The following BMP6 variants were observed in gnomAD, a reference collection of about 807,000 sequenced individuals.
BMP6 encodes the protein bone morphogenetic protein 6, also known as VG-1-R.
BMP6 carries 17 observed loss-of-function variants against 54.1 expected under a neutral mutation model. The observed-to-expected ratio is 0.31, with a 90% CI of 0.22 to 0.47. The LOEUF is 0.47. Ranked by LOEUF, BMP6 falls within the 20% of genes least tolerant of loss-of-function variation. The pLI, the probability that BMP6 is intolerant of heterozygous loss-of-function variation, is 1.00. For missense variants in BMP6, 720 were observed against 690.4 expected (o/e 1.04, Z -0.48); for synonymous variants, 328 against 291.2 (o/e 1.13, Z -1.28).
Position 7,727,022 on chromosome 6 carries a change from G to C in BMP6, c.67G>C (p.Gly23Arg). ...WWWGLLCSCCGPPPLRPPLPA... is the reference protein window; with the variant it reads ...WWWGLLCSCCRPPPLRPPLPA... ...GTGGGGGCTGCTGTGCAGCTGCTGC[G>C]GGCCCCCGCCGCTGCGGCCGCCCTT... Residue 23 changes from glycine (G) to arginine (R), a missense_variant, in exon 1 of 7, where the codon GGG (glycine) becomes CGG (arginine). Physicochemically the swap from Gly to Arg is moderately radical, Grantham distance 125 (BLOSUM62 -2). Around this residue, in one of 3 missense-constraint regions of BMP6, gnomAD observed 650 missense variants for 556.3 expected, o/e 1.17. Transcript: ENST00000283147. 2 of 1,120,912 alleles carry C rather than the reference G, an allele frequency of 1.8e-6. No individual in the cohort carries two copies. Among genetic ancestry groups the C allele is most frequent in the Non-Finnish European group, 2.2e-6 (2 of 918,510 alleles). The allele number at this position is 1,120,912 out of a possible 1,614,324, so 69.4% of individuals were successfully genotyped here.
chr6:7,745,475 G>T (rs946151320), intron 1 of BMP6, among the ~76,000 whole-genome samples: 2 of 152,108 alleles, frequency 1.3e-5, no homozygotes, highest in African/African-American at 4.8e-5. Flanking sequence ...TCACTATGTT[G>T]CCCAGGCTGG....
chr6:7,731,495 C>A (rs1163950161), intron 1 of BMP6, among the ~76,000 whole-genome samples: 1 of 152,166 alleles, frequency 6.6e-6, no homozygotes, highest in Non-Finnish European at 1.5e-5. Context: ...TTGTTTGTCT[C>A]CCCTGTAGGA....
At chr6:7,843,765 T>TA (rs1399989783) in intron 1 of BMP6, among the ~76,000 whole-genome samples, 1 of 152,222 alleles carries the variant, frequency 6.6e-6, no homozygotes, top group Non-Finnish European at 1.5e-5. Flanking sequence ...TGAAGTTTGA[T>TA]ATCACTTTTC....
intron 1 of BMP6, among the ~76,000 whole-genome samples, chr6:7,834,185 CTT>C (rs34020369): frequency 0.048 from 5,191 of 107,678 alleles, 120 homozygotes; most frequent in Middle Eastern, 0.089. Context: ...AGAACAAATG[CTT>C]TTTTTTTTTT....
At chr6:7,871,385 A>G (rs575854336) in intron 4 of BMP6, among the ~76,000 whole-genome samples, 1 of 152,354 alleles carries the variant, frequency 6.6e-6, no homozygotes, top group South Asian at 2.1e-4. Context: ...CTTTGGTGAG[A>G]GGAATGTTTC....
At chr6:7,833,357 A>G (rs1243298529) in intron 1 of BMP6, among the ~76,000 whole-genome samples, 1 of 152,214 alleles carries the variant, frequency 6.6e-6, no homozygotes, top group Non-Finnish European at 1.5e-5. Flanking sequence ...CTAGAAAGTA[A>G]AAGCAACAAG....
At position 7,837,847 on chromosome 6, in the gene BMP6, G is replaced by C. The variant is rs1295343400; in HGVS notation, c.665-7293G>C. 4.6e-5 allele frequency among the ~76,000 whole-genome samples: 7 copies of C among 152,118 alleles called. No individual in the cohort carries two copies. The East Asian group carries it at 1.2e-3, about 25-fold the overall frequency. On this transcript the variant is annotated intron_variant, in intron 1 of 6. Coordinates refer to ENST00000283147, the MANE Select transcript of BMP6 (RefSeq NM_001718.6). ...GCAATAAACTTGAAAAATTAAAAAT[G>C]GACAGACCTCTAGAAAACAGACTTA...
At chr6:7,774,575 G>A (rs976378119) in intron 1 of BMP6, among the ~76,000 whole-genome samples, 1 of 151,866 alleles carries the variant, frequency 6.6e-6, no homozygotes, top group East Asian at 1.9e-4. Flanking sequence ...AATTAGCCAG[G>A]TGTGGTGGCA....
chr6:7,751,177 C>T (rs760993039), intron 1 of BMP6, among the ~76,000 whole-genome samples: 15 of 152,210 alleles, frequency 9.9e-5, no homozygotes, highest in African/African-American at 2.9e-4. Flanking sequence ...TAAGAGTACT[C>T]GCTCTACTAC....
rs563328633 is a variant in BMP6 at position 7,877,986 on chromosome 6, C to T, written c.1205-1088C>T. Among the ~76,000 whole-genome samples, 15 of 152,258 alleles carry T rather than the reference C, an allele frequency of 9.9e-5. 1 individual carries two copies. In the South Asian group the frequency reaches 2.9e-3, roughly 29 times the overall value. On this transcript the variant is annotated intron_variant, in intron 4 of 6. Coordinates refer to ENST00000283147, the MANE Select transcript of BMP6 (RefSeq NM_001718.6). ...CACTTTGTGCCTCTGGTGGGAAGTCCGAAGCATTGTGGTTGGCAGCCTAGG... is the reference window on the plus strand; with the variant it reads ...CACTTTGTGCCTCTGGTGGGAAGTCTGAAGCATTGTGGTTGGCAGCCTAGG...
chr6:7,862,222 G>A, intron 3 of BMP6, 79 bp from the exon 4 acceptor site: 1 of 1,487,096 alleles, frequency 6.7e-7, no homozygotes, highest in East Asian at 2.3e-5. Context: ...AGGAAACTAG[G>A]AAGTATCCCT....
chr6:7,775,457 G>T (rs1392972874), intron 1 of BMP6, among the ~76,000 whole-genome samples: 2 of 152,156 alleles, frequency 1.3e-5, no homozygotes, highest in Non-Finnish European at 2.9e-5. Flanking sequence ...ACTTAAAAAA[G>T]AATCTCCTGC....
chr6:7,766,929 A>G (rs913469651), intron 1 of BMP6, among the ~76,000 whole-genome samples: 1 of 151,552 alleles, frequency 6.6e-6, no homozygotes, highest in Non-Finnish European at 1.5e-5. Flanking sequence ...TGGATATGGA[A>G]TAGTATAATT....
intron 4 of BMP6, among the ~76,000 whole-genome samples, chr6:7,868,684 G>A (rs1759469432): frequency 1.3e-5 from 2 of 152,208 alleles, no homozygotes; most frequent in Admixed American, 1.3e-4. Flanking sequence ...AGGAAAGCTG[G>A]GAAATACATG....
chr6:7,749,684 T>C (rs1757393362), intron 1 of BMP6, among the ~76,000 whole-genome samples: 3 of 152,216 alleles, frequency 2.0e-5, no homozygotes, highest in South Asian at 2.1e-4. Flanking sequence ...CAAGTGGTTA[T>C]GTGTCAGGCA....
rs544532388 is a variant in BMP6 at position 7,863,999 on chromosome 6, G to A, written c.1204+1501G>A. On this transcript the variant is annotated intron_variant, in intron 4 of 6. Transcript: ENST00000283147. Reference sequence around the variant, plus strand: ...TAAGATTATGCCTGAGTGACAGAGCGAGACTCCATCGAAAAAAAAAAAAAA... The same window carrying A: ...TAAGATTATGCCTGAGTGACAGAGCAAGACTCCATCGAAAAAAAAAAAAAA... Among the ~76,000 whole-genome samples, 18 of 144,476 alleles carry A rather than the reference G, an allele frequency of 1.2e-4. No individual in the cohort carries two copies. In the South Asian group the frequency reaches 3.6e-3, roughly 29 times the overall value. The allele number at this position is 144,476 out of a possible 152,430, so 94.8% of individuals were successfully genotyped here.
intron 1 of BMP6, among the ~76,000 whole-genome samples, chr6:7,816,127 T>C (rs1250495736): frequency 7.2e-5 from 11 of 152,160 alleles, no homozygotes; most frequent in Admixed American, 6.5e-5. Flanking sequence ...AAGCCATCAG[T>C]TAGTAGGTTA....
intron 5 of BMP6, among the ~76,000 whole-genome samples, 198 bp from the exon 6 acceptor site, chr6:7,879,793 G>A (rs1759682350): frequency 6.6e-6 from 1 of 152,182 alleles, no homozygotes; most frequent in Non-Finnish European, 1.5e-5. Context: ...AGGAGCGAGG[G>A]TTCTGGGGTC....
chr6:7,806,588 A>AAAAAAC (rs1211897631), intron 1 of BMP6, among the ~76,000 whole-genome samples: 1 of 152,230 alleles, frequency 6.6e-6, no homozygotes, highest in Non-Finnish European at 1.5e-5. Context: ...TGACAACCAG[A>AAAAAAC]AAAAACAAAA....
Sources: allele counts gnomAD v4.1 joint callset (sites outside exome capture counted in the v4.1 genomes callset), GRCh38; gene constraint gnomAD v4.1.1; regional missense constraint gnomAD v4.1.1; transcripts MANE v1.5; gene names NCBI Gene and HGNC (gene_info 2026-07-23, HGNC 2026-07-21).